The following ANKRD44 variants were observed in gnomAD, a reference collection of about 807,000 sequenced individuals.
ANKRD44 encodes the protein ankyrin repeat domain 44.
ANKRD44 carries 35 observed loss-of-function variants against 116.0 expected under a neutral mutation model. That is an observed-to-expected ratio of 0.30 (90% CI 0.23 to 0.40). The LOEUF is 0.40. Among genes scored for constraint, ANKRD44 ranks in the 10% least tolerant of loss-of-function variants. The pLI, the probability that ANKRD44 is intolerant of heterozygous loss-of-function variation, is 1.00. For missense variants in ANKRD44, 1,014 were observed against 1,242.6 expected, an observed-to-expected ratio of 0.82 and a Z score of 2.77; for synonymous variants, 435 against 461.8, an observed-to-expected ratio of 0.94 and a Z score of 0.74.
At chr2:197,279,500 A>G (rs1402253161) in intron 1 of ANKRD44, among the ~76,000 whole-genome samples, 9 of 152,150 alleles carry the variant, frequency 5.9e-5, no homozygotes, top group African/African-American at 2.2e-4. Context: ...GGAACTCCAC[A>G]AACTGGCACT....
intron 14 of ANKRD44, among the ~76,000 whole-genome samples, chr2:197,082,985 G>T (rs1375653869): frequency 6.6e-6 from 1 of 152,210 alleles, no homozygotes; most frequent in Non-Finnish European, 1.5e-5. Flanking sequence ...TTGGGATTAT[G>T]CATGGGTGGA....
Position 197,255,968 on chromosome 2 carries a change from T to C in ANKRD44, c.27+54610A>G, listed in dbSNP as rs141366856. On this transcript the variant is annotated intron_variant, in intron 1 of 27. Coordinates refer to ENST00000282272, the MANE Select transcript of ANKRD44 (RefSeq NM_001195144.2). Reference sequence around the variant, plus strand: ...GCAGTTTAAAAATAAGGAATCTTAATCTATCTGGTCTAACTTTAGAAAATT... The same window carrying C: ...GCAGTTTAAAAATAAGGAATCTTAACCTATCTGGTCTAACTTTAGAAAATT... 4.3e-3 allele frequency among the ~76,000 whole-genome samples: 656 copies of C among 152,356 alleles called. 2 individuals are homozygous for C. Among genetic ancestry groups the C allele is most frequent in the Non-Finnish European group, 7.7e-3 (522 of 68,030 alleles).
At chr2:197,136,763 C>T in intron 3 of ANKRD44, 101 bp from the exon 4 acceptor site, 1 of 931,530 alleles carries the variant, frequency 1.1e-6, no homozygotes, top group Non-Finnish European at 1.7e-6. Context: ...CCTGACATAA[C>T]CACCACCTCT....
At chr2:197,099,631 T>C (rs2078242522) in intron 10 of ANKRD44, 185 bp downstream of exon 10, 2 of 1,292,178 alleles carry the variant, frequency 1.5e-6, no homozygotes, top group Non-Finnish European at 2.0e-6. Flanking sequence ...AAAAATAAAA[T>C]TGGTTCTTCT....
intron 16 of ANKRD44, among the ~76,000 whole-genome samples, chr2:197,034,708 C>T (rs1249519760): frequency 6.6e-6 from 1 of 151,966 alleles, no homozygotes; most frequent in Non-Finnish European, 1.5e-5. Flanking sequence ...TTCTCCATAG[C>T]CTCCACCAAC....
intron 18 of ANKRD44, among the ~76,000 whole-genome samples, chr2:197,012,840 T>C (rs2125920573): frequency 6.6e-6 from 1 of 152,332 alleles, no homozygotes; most frequent in Non-Finnish European, 1.5e-5. Context: ...ATCACTGGAT[T>C]TCCTGAGCCA....
chr2:197,275,237 C>G (rs2083041129), intron 1 of ANKRD44, among the ~76,000 whole-genome samples: 1 of 151,864 alleles, frequency 6.6e-6, no homozygotes, highest in African/African-American at 2.4e-5. Context: ...ACCTCAGCCT[C>G]CTAAGTATCT....
chr2:196,998,955 T>C lies in ANKRD44; in HGVS notation c.2617A>G (p.Lys873Glu). Residue 873 changes from lysine to glutamate, a missense_variant, in exon 24 of 28, where the codon AAA (lysine) becomes GAA (glutamate). Coordinates refer to ENST00000282272, the MANE Select transcript of ANKRD44 (RefSeq NM_001195144.2). ...APVNAVDNSG[K>E]TALMMAAENG... ...TCAGCAGCCATCATCAGTGCTGTTT[T>C]CCCTGAATTATCTACTGCGTTCACT... The C allele has an allele frequency of 6.2e-7, 1 of 1,614,248 alleles. No individual in the cohort carries two copies. The highest frequency in any genetic ancestry group is 8.5e-7 in the Non-Finnish European group (1 of 1,180,036).
chr2:197,249,638 T>C (rs1387981502), intron 1 of ANKRD44, among the ~76,000 whole-genome samples: 1 of 152,234 alleles, frequency 6.6e-6, no homozygotes, highest in African/African-American at 2.4e-5. Flanking sequence ...TAAGCCATAA[T>C]CCTATCACAG....
At chr2:197,129,507 G>A (rs2079051668) in intron 4 of ANKRD44, among the ~76,000 whole-genome samples, 1 of 152,156 alleles carries the variant, frequency 6.6e-6, no homozygotes, top group African/African-American at 2.4e-5. Flanking sequence ...CATCAGCCCA[G>A]TTAACGTTCT....
At chr2:197,179,649 G>A (rs1243794794) in intron 2 of ANKRD44, among the ~76,000 whole-genome samples, 1 of 152,144 alleles carries the variant, frequency 6.6e-6, no homozygotes, top group African/African-American at 2.4e-5. Context: ...GTATGTGAGG[G>A]TACAAATCAT....
chr2:197,087,464 T>C (rs1047350810), intron 12 of ANKRD44, among the ~76,000 whole-genome samples: 2 of 152,244 alleles, frequency 1.3e-5, no homozygotes, highest in Non-Finnish European at 2.9e-5. Flanking sequence ...TGGAATTGTA[T>C]GTTGTCACTT....
At position 197,126,000 on chromosome 2, in the gene ANKRD44, A is replaced by ACATCAGCTGAT; in HGVS notation, c.298_299insATCAGCTGATG (p.Val100AspfsTer30). The ACATCAGCTGAT allele has an allele frequency of 6.2e-7, 1 of 1,614,190 alleles. No individual in the cohort carries two copies. The highest frequency in any genetic ancestry group is 8.5e-7 in the Non-Finnish European group (1 of 1,180,032). On this transcript the variant is annotated frameshift_variant, in exon 5 of 28. Transcript: ENST00000282272. LOFTEE classifies it high-confidence loss of function. Reference sequence around the variant, plus strand: ...CTGCCAGTTCTTGTCCCTTGCATTGACATCAGCTGAGTGCTTAATCAAAAC... The same window carrying ACATCAGCTGAT: ...CTGCCAGTTCTTGTCCCTTGCATTGACATCAGCTGATCATCAGCTGAGTGCTTAATCAAAAC...
intron 16 of ANKRD44, among the ~76,000 whole-genome samples, chr2:197,056,029 C>G (rs76496178): frequency 2.0e-4 from 31 of 152,224 alleles, no homozygotes; most frequent in African/African-American, 7.2e-4. Flanking sequence ...AGTAGGACTA[C>G]AGATGTGCCA....
intron 1 of ANKRD44, among the ~76,000 whole-genome samples, chr2:197,189,879 T>C (rs891653979): frequency 6.6e-6 from 1 of 152,146 alleles, no homozygotes; most frequent in African/African-American, 2.4e-5. Flanking sequence ...CAGTTGCGAG[T>C]GTACGGAATA....
chr2:197,018,245 C>T (rs149343836), intron 17 of ANKRD44, among the ~76,000 whole-genome samples: 59 of 152,230 alleles, frequency 3.9e-4, no homozygotes, highest in African/African-American at 1.2e-3. Flanking sequence ...TAGCCTATGA[C>T]GTCTTCCCTC....
chr2:197,106,287 C>T (rs1323310575), intron 9 of ANKRD44, among the ~76,000 whole-genome samples: 2 of 151,720 alleles, frequency 1.3e-5, no homozygotes, highest in Non-Finnish European at 2.9e-5. Context: ...ACTAAAAATA[C>T]AAAAATTAGC....
chr2:197,171,121 C>A (rs2080223309), intron 2 of ANKRD44, among the ~76,000 whole-genome samples: 1 of 152,214 alleles, frequency 6.6e-6, no homozygotes, highest in Non-Finnish European at 1.5e-5. Context: ...TCTCTAAAAG[C>A]AAACAGGTCT....
chr2:197,208,073 G>A (rs2712901), intron 1 of ANKRD44, among the ~76,000 whole-genome samples: 145,498 of 152,302 alleles, frequency 0.96, 69,536 homozygotes, highest in East Asian at 1. Flanking sequence ...CACTTTCCTC[G>A]AACTTTCTAA....
Sources: gnomAD v4.1 joint callset for allele counts (sites outside exome capture counted in the v4.1 genomes callset) on GRCh38, gnomAD v4.1.1 for gene constraint, MANE v1.5 for transcripts, NCBI Gene and HGNC (gene_info 2026-07-23, HGNC 2026-07-21) for gene names.